The following MEMO1 variants were observed in gnomAD, a reference collection of about 807,000 sequenced individuals.
MEMO1 encodes protein MEMO1.
A neutral mutation model predicts 45.2 loss-of-function variants in MEMO1; 6 were observed. The ratio of observed to expected loss-of-function variants is 0.13; its 90% CI spans 0.07 to 0.26. The LOEUF (loss-of-function observed/expected upper bound fraction) is 0.26, where lower values mean the gene tolerates loss of function less well. Among genes scored for constraint, MEMO1 ranks in the 10% least tolerant of loss-of-function variants. The pLI, the probability that MEMO1 is intolerant of heterozygous loss-of-function variation, is 1.00. For missense variants in MEMO1, 184 were observed against 370.5 expected, an observed-to-expected ratio of 0.50 and a Z score of 4.13; for synonymous variants, 78 against 124.3, an observed-to-expected ratio of 0.63 and a Z score of 2.48.
At chr2:31,914,263 G>GA (rs1681076449) in intron 6 of MEMO1, among the ~76,000 whole-genome samples, 1 of 152,074 alleles carries the variant, frequency 6.6e-6, no homozygotes, top group Non-Finnish European at 1.5e-5. Flanking sequence ...AATCGTAAGT[G>GA]AAAAAAATAC....
At chr2:31,982,317 C>T (rs999407075) in intron 2 of MEMO1, among the ~76,000 whole-genome samples, 4 of 149,076 alleles carry the variant, frequency 2.7e-5, no homozygotes, top group African/African-American at 7.4e-5. Context: ...AAAGGCCAGA[C>T]GCGGTGGCTC....
chr2:31,978,887 T>G (rs1259344150), intron 2 of MEMO1, among the ~76,000 whole-genome samples: 1 of 152,206 alleles, frequency 6.6e-6, no homozygotes, highest in Non-Finnish European at 1.5e-5. Context: ...CTCAAAATTT[T>G]TTTCATAAGG....
chr2:32,008,728 T>C (rs1417547301), intron 2 of MEMO1, among the ~76,000 whole-genome samples: 3 of 152,218 alleles, frequency 2.0e-5, no homozygotes, highest in Non-Finnish European at 4.4e-5. Context: ...AACCATAAAA[T>C]GTCATATTTG....
chr2:31,887,095 A>G (rs750424113), intron 7 of MEMO1, among the ~76,000 whole-genome samples: 4 of 152,206 alleles, frequency 2.6e-5, no homozygotes, highest in Non-Finnish European at 5.9e-5. Flanking sequence ...TTTCTGAGAA[A>G]AAGAAATACA....
chr2:31,954,835 G>GAAA (rs200128212), intron 2 of MEMO1, among the ~76,000 whole-genome samples: 1 of 124,446 alleles, frequency 8.0e-6, no homozygotes, highest in Non-Finnish European at 1.7e-5. Context: ...ACTCTGTTTT[G>GAAA]AAAAAAAAAA....
intron 2 of MEMO1, among the ~76,000 whole-genome samples, chr2:31,999,932 G>A (rs887874475): frequency 1.4e-5 from 2 of 146,812 alleles, no homozygotes; most frequent in South Asian, 2.1e-4. Context: ...CGCCCAGGCT[G>A]GAGCGTAGTG....
chr2:31,877,446 A>G (rs1674720159), intron 8 of MEMO1, among the ~76,000 whole-genome samples: 1 of 152,236 alleles, frequency 6.6e-6, no homozygotes, highest in African/African-American at 2.4e-5. Flanking sequence ...TTCTCCATCC[A>G]TAAGACTACA....
At chr2:31,956,978 C>A (rs1195080162) in intron 2 of MEMO1, among the ~76,000 whole-genome samples, 1 of 152,000 alleles carries the variant, frequency 6.6e-6, no homozygotes, top group Non-Finnish European at 1.5e-5. Flanking sequence ...CCCATCTCCA[C>A]TAAAAATACA....
intron 6 of MEMO1, among the ~76,000 whole-genome samples, chr2:31,900,154 A>AT (rs1458108303): frequency 6.6e-6 from 1 of 152,224 alleles, no homozygotes; most frequent in Admixed American, 6.5e-5. Context: ...TAGAAATACC[A>AT]TTTGACCCAG....
At chr2:31,930,251 G>C (rs1393187939) in intron 4 of MEMO1, among the ~76,000 whole-genome samples, 1 of 152,218 alleles carries the variant, frequency 6.6e-6, no homozygotes, top group Non-Finnish European at 1.5e-5. Context: ...GACAGAGCCA[G>C]ACTGTGTCTC....
At chr2:31,924,311 G>C (rs1682762611) in intron 4 of MEMO1, among the ~76,000 whole-genome samples, 1 of 151,960 alleles carries the variant, frequency 6.6e-6, no homozygotes, top group Non-Finnish European at 1.5e-5. Flanking sequence ...AAGGCCACAG[G>C]GATATTTTGA....
chr2:31,887,855 C>A (rs1676417468), intron 7 of MEMO1, among the ~76,000 whole-genome samples: 1 of 151,994 alleles, frequency 6.6e-6, no homozygotes, highest in Non-Finnish European at 1.5e-5. Context: ...CAGCCTTATA[C>A]CCAAGAGACT....
chr2:31,996,475 C>T (rs1439019896), intron 2 of MEMO1, among the ~76,000 whole-genome samples: 3 of 151,638 alleles, frequency 2.0e-5, no homozygotes, highest in Non-Finnish European at 2.9e-5. Flanking sequence ...ACCTGGCAGG[C>T]GGAGGTTGTA....
chr2:31,985,453 G>A (rs112695815), intron 2 of MEMO1, among the ~76,000 whole-genome samples: 1,566 of 152,294 alleles, frequency 0.01, 36 homozygotes, highest in African/African-American at 0.035. Context: ...AGCCTCCAGA[G>A]TAGCTGGGAT....
At chr2:31,958,146 G>A (rs1277558748) in intron 2 of MEMO1, among the ~76,000 whole-genome samples, 3 of 152,054 alleles carry the variant, frequency 2.0e-5, no homozygotes, top group Admixed American at 6.5e-5. Flanking sequence ...ACTTTCCAGA[G>A]GGTTCTGATA....
intron 2 of MEMO1, among the ~76,000 whole-genome samples, chr2:31,999,815 T>G (rs972280531): frequency 6.6e-6 from 1 of 151,972 alleles, no homozygotes; most frequent in Admixed American, 6.6e-5. Context: ...TGCTGTACCC[T>G]CTGCCTAAAA....
At chr2:31,908,740 T>C (rs1425586257) in intron 6 of MEMO1, among the ~76,000 whole-genome samples, 4 of 152,360 alleles carry the variant, frequency 2.6e-5, no homozygotes, top group Non-Finnish European at 4.4e-5. Context: ...CTGAGTATTC[T>C]GTTCTCTTTA....
intron 6 of MEMO1, among the ~76,000 whole-genome samples, chr2:31,899,265 T>C (rs1159367444): frequency 6.6e-6 from 1 of 152,124 alleles, no homozygotes; most frequent in Non-Finnish European, 1.5e-5. Context: ...GGAAGCATCA[T>C]GCTACCTGAT....
chr2:31,975,067 G>A (rs1221447345), intron 2 of MEMO1, among the ~76,000 whole-genome samples: 2 of 151,836 alleles, frequency 1.3e-5, no homozygotes, highest in Non-Finnish European at 2.9e-5. Flanking sequence ...AGCTACTCGG[G>A]AGGCTGAGGC....
Sources: allele counts gnomAD v4.1 joint callset (sites outside exome capture counted in the v4.1 genomes callset), GRCh38; gene constraint gnomAD v4.1.1; transcripts MANE v1.5; gene names NCBI Gene and HGNC (gene_info 2026-07-23, HGNC 2026-07-21).